The following APOO variants were observed in gnomAD, a reference collection of about 807,000 sequenced individuals.
APOO encodes the protein MICOS complex subunit MIC26.
Under a neutral mutation model 23.1 loss-of-function variants are expected in APOO, and 11 were observed. The ratio of observed to expected loss-of-function variants is 0.48; its 90% CI spans 0.30 to 0.79. The LOEUF is 0.79. Ranked by LOEUF, APOO falls within the 30% of genes least tolerant of loss-of-function variation. The pLI is 0.07. For synonymous variants in APOO, 59 were observed against 54.8 expected (o/e 1.08, Z -0.34); for missense variants, 160 against 142.7 (o/e 1.12, Z -0.62).
intron 3 of APOO, among the ~76,000 whole-genome samples, chrX:23,877,339 TTA>T (rs756927078): frequency 8.9e-6 from 1 of 112,587 alleles, no homozygotes; most frequent in Non-Finnish European, 1.9e-5. Context: ...AATAATATGG[TTA>T]TGATACTTAA....
At chrX:23,894,550 T>C (rs899666474) in intron 1 of APOO, among the ~76,000 whole-genome samples, 1 of 111,952 alleles carries the variant, frequency 8.9e-6, no homozygotes, top group Non-Finnish European at 1.9e-5. Context: ...AATCCAGCAC[T>C]TTGGAAAGCC....
intron 7 of APOO, among the ~76,000 whole-genome samples, chrX:23,851,650 C>T (rs1431262411): frequency 8.9e-6 from 1 of 112,445 alleles, no homozygotes; most frequent in Non-Finnish European, 1.9e-5. Flanking sequence ...CCTATCTTTG[C>T]TTCATAGTTC....
intron 5 of APOO, among the ~76,000 whole-genome samples, chrX:23,868,314 G>GA (rs1483137210): frequency 8.9e-6 from 1 of 112,111 alleles, no homozygotes; most frequent in Non-Finnish European, 1.9e-5. Context: ...TCTCAGGTGT[G>GA]AAAGACTTTA....
intron 1 of APOO, among the ~76,000 whole-genome samples, chrX:23,907,260 A>G (rs1298965727): frequency 1.0e-5 from 1 of 98,132 alleles, no homozygotes. Flanking sequence ...CATACCCTGC[A>G]CAGCTTCTCC....
At chrX:23,886,713 T>C (rs1334810935) in intron 1 of APOO, among the ~76,000 whole-genome samples, 7 of 111,347 alleles carry the variant, frequency 6.3e-5, no homozygotes, top group Non-Finnish European at 1.3e-4. Flanking sequence ...CTCCTCCTGG[T>C]GCGAGATGAC....
At chrX:23,884,668 A>C (rs1926291614) in intron 1 of APOO, among the ~76,000 whole-genome samples, 1 of 111,798 alleles carries the variant, frequency 8.9e-6, no homozygotes, top group African/African-American at 3.2e-5. Context: ...GATATTGGTC[A>C]AAAGTACAAA....
At chrX:23,882,382 C>T (rs1439960601) in intron 1 of APOO, among the ~76,000 whole-genome samples, 3 of 112,231 alleles carry the variant, frequency 2.7e-5, no homozygotes, top group African/African-American at 9.7e-5. Flanking sequence ...TTTCACATTA[C>T]AGGCACTGCA....
intron 7 of APOO, among the ~76,000 whole-genome samples, chrX:23,847,023 TAA>T (rs773482842): frequency 1.7e-3 from 186 of 109,056 alleles, no homozygotes; most frequent in African/African-American, 5.6e-3. Context: ...ATGACCCATA[TAA>T]AAAGTGGCCA....
At chrX:23,849,583 T>TAAAAAAA (rs143362355) in intron 7 of APOO, among the ~76,000 whole-genome samples, 26 of 32,591 alleles carry the variant, frequency 8.0e-4, no homozygotes, top group South Asian at 5.2e-3. Flanking sequence ...AAGAGAGACT[T>TAAAAAAA]AAAAAAAAAA....
chrX:23,889,039 G>A (rs1037466748), intron 1 of APOO, among the ~76,000 whole-genome samples: 6 of 108,837 alleles, frequency 5.5e-5, no homozygotes, highest in African/African-American at 2.0e-4. Context: ...CTACTTGGGA[G>A]GCTGAGGTGG....
At chrX:23,864,131 G>A (rs1222151787) in intron 5 of APOO, among the ~76,000 whole-genome samples, 2 of 109,513 alleles carry the variant, frequency 1.8e-5, no homozygotes, top group Non-Finnish European at 3.8e-5. Context: ...AAGAATCTGG[G>A]ATTACAGGTA....
At chrX:23,858,857 C>G (rs1924894469) in intron 5 of APOO, 124 bp from the exon 6 acceptor site, 3 of 585,171 alleles carry the variant, frequency 5.1e-6, no homozygotes, top group African/African-American at 2.3e-5. Context: ...TCCAAAAGCT[C>G]TGGGAGGCCG....
intron 3 of APOO, among the ~76,000 whole-genome samples, chrX:23,876,220 G>A (rs1239181575): frequency 1.8e-5 from 2 of 109,877 alleles, no homozygotes; most frequent in Admixed American, 2.0e-4. Flanking sequence ...CCGAGATCGC[G>A]CCACTGCACT....
chrX:23,900,448 C>A (rs911066628), intron 1 of APOO, among the ~76,000 whole-genome samples: 4 of 110,252 alleles, frequency 3.6e-5, no homozygotes, highest in Non-Finnish European at 5.7e-5. Context: ...CCAAGGAGGG[C>A]AGATCACTTA....
Position 23,856,322 on chromosome X carries a change from A to G in APOO, c.541T>C (p.Trp181Arg). Residue 181 changes from tryptophan (W) to arginine (R), a missense_variant, in exon 7 of 9, where the codon TGG (tryptophan) becomes CGG (arginine). Transcript: ENST00000379226. ...LRGYIVIEDL[W>R]KENFQKPGNV... ...CTCACCTTTTGAAAGTTCTCCTTCC[A>G]CAAATCTTCTATGACTATATATCCT... 8.3e-7 allele frequency: 1 copy of G among 1,210,570 alleles called. No homozygotes were observed. Among genetic ancestry groups the G allele is most frequent in the Non-Finnish European group, 1.1e-6 (1 of 894,903 alleles).
chrX:23,847,084 G>A (rs1924278789), intron 7 of APOO, among the ~76,000 whole-genome samples: 2 of 111,372 alleles, frequency 1.8e-5, no homozygotes, highest in Non-Finnish European at 3.8e-5. Context: ...CCTGTGAAAA[G>A]ATGCTCAATC....
chrX:23,897,698 T>C (rs1254255106), intron 1 of APOO, among the ~76,000 whole-genome samples: 2 of 111,717 alleles, frequency 1.8e-5, no homozygotes, highest in Non-Finnish European at 3.8e-5. Flanking sequence ...CAAAGTAAAA[T>C]CTATCTGGGC....
chrX:23,846,926 T>C (rs762041388), intron 7 of APOO, among the ~76,000 whole-genome samples: 12 of 111,752 alleles, frequency 1.1e-4, no homozygotes, highest in African/African-American at 2.9e-4. Context: ...ACAAGCCATA[T>C]TGAGAAAAGA....
intron 5 of APOO, among the ~76,000 whole-genome samples, chrX:23,863,202 T>C (rs1925171241): frequency 9.0e-6 from 1 of 111,223 alleles, no homozygotes; most frequent in African/African-American, 3.3e-5. Flanking sequence ...GGCGTGGTGG[T>C]GCACGCCTGT....
Sources: allele counts gnomAD v4.1 joint callset (sites outside exome capture counted in the v4.1 genomes callset), GRCh38; gene constraint gnomAD v4.1.1; transcripts MANE v1.5; gene names NCBI Gene and HGNC (gene_info 2026-07-23, HGNC 2026-07-21).